Variants in CCSER1 observed in about 807,000 individuals in gnomAD.
The protein encoded by CCSER1 is serine-rich coiled-coil domain-containing protein 1.
CCSER1 carries 41 observed loss-of-function variants against 82.0 expected under a neutral mutation model. The observed-to-expected ratio is 0.50, with a 90% CI of 0.39 to 0.65. The LOEUF is 0.65. CCSER1 is among the 30% of genes least tolerant of loss of function. The probability of loss-of-function intolerance (pLI) is 0.00; values close to 1 mark genes in which losing one functional copy is unlikely to be tolerated. For missense variants in CCSER1, 1,119 were observed against 1,064.2 expected (o/e 1.05, Z -0.72); for synonymous variants, 414 against 383.9 (o/e 1.08, Z -0.92).
At chr4:90,150,756 T>C (rs1317199511) in intron 1 of CCSER1, among the ~76,000 whole-genome samples, 2 of 152,096 alleles carry the variant, frequency 1.3e-5, no homozygotes, top group East Asian at 3.8e-4. Flanking sequence ...TAAATATCCA[T>C]ATAGAAAACA....
At chr4:90,354,651 A>G (rs1174246314) in intron 3 of CCSER1, among the ~76,000 whole-genome samples, 1 of 152,174 alleles carries the variant, frequency 6.6e-6, no homozygotes, top group African/African-American at 2.4e-5. Flanking sequence ...AAATAAAAAG[A>G]AAAATAACTA....
chr4:90,803,660 T>C (rs1006945458), intron 7 of CCSER1, among the ~76,000 whole-genome samples: 10 of 152,272 alleles, frequency 6.6e-5, no homozygotes, highest in African/African-American at 2.2e-4. Context: ...TGAATAGTGC[T>C]GCAATAAACA....
chr4:90,132,323 A>G (rs1262580566), intron 1 of CCSER1, among the ~76,000 whole-genome samples: 1 of 152,164 alleles, frequency 6.6e-6, no homozygotes, highest in African/African-American at 2.4e-5. Context: ...TCCCTATTGG[A>G]CAGTGACAAA....
At chr4:91,203,832 G>T (rs1460055503) in intron 10 of CCSER1, among the ~76,000 whole-genome samples, 1 of 151,766 alleles carries the variant, frequency 6.6e-6, no homozygotes, top group East Asian at 1.9e-4. Flanking sequence ...TGACCATACT[G>T]ATTACTGTCT....
intron 10 of CCSER1, among the ~76,000 whole-genome samples, chr4:91,117,567 A>G (rs1265133263): frequency 1.3e-5 from 2 of 152,218 alleles, no homozygotes; most frequent in Non-Finnish European, 2.9e-5. Context: ...AGAAACCAAA[A>G]CCATCTTTTA....
intron 1 of CCSER1, among the ~76,000 whole-genome samples, chr4:90,203,272 T>G (rs1400247193): frequency 6.6e-6 from 1 of 152,188 alleles, no homozygotes; most frequent in Non-Finnish European, 1.5e-5. Flanking sequence ...TAAGTATACA[T>G]GTGCCATGGT....
At chr4:91,347,373 T>C (rs2149294738) in intron 10 of CCSER1, among the ~76,000 whole-genome samples, 1 of 152,266 alleles carries the variant, frequency 6.6e-6, no homozygotes, top group South Asian at 2.1e-4. Context: ...AAATTTATAG[T>C]GTATCTTGAA....
chr4:90,352,506 A>G (rs1306347287), intron 3 of CCSER1, among the ~76,000 whole-genome samples: 1 of 151,608 alleles, frequency 6.6e-6, no homozygotes, highest in Non-Finnish European at 1.5e-5. Flanking sequence ...CTACTAAAAT[A>G]CAAAAATTAG....
chr4:90,836,770 C>T (rs59791757), intron 8 of CCSER1, among the ~76,000 whole-genome samples: 1 of 152,274 alleles, frequency 6.6e-6, no homozygotes, highest in East Asian at 1.9e-4. Context: ...CTCTGGTGGA[C>T]TTCATCAAGT....
intron 10 of CCSER1, among the ~76,000 whole-genome samples, chr4:91,316,816 T>C (rs944566320): frequency 3.3e-5 from 5 of 151,894 alleles, no homozygotes; most frequent in African/African-American, 7.2e-5. Context: ...TCCTTCAGTG[T>C]AAAATATTTT....
intron 7 of CCSER1, among the ~76,000 whole-genome samples, chr4:90,801,580 C>G (rs1249128394): frequency 6.6e-6 from 1 of 152,142 alleles, no homozygotes; most frequent in Non-Finnish European, 1.5e-5. Flanking sequence ...AGAGACAATG[C>G]TATTTCCTTA....
intron 5 of CCSER1, among the ~76,000 whole-genome samples, chr4:90,557,231 T>C (rs1218087228): frequency 6.6e-6 from 1 of 152,024 alleles, no homozygotes; most frequent in Non-Finnish European, 1.5e-5. Context: ...ATACCTGTAT[T>C]CCATTTGGAA....
chr4:90,530,727 A>G (rs1774397185), intron 5 of CCSER1, among the ~76,000 whole-genome samples: 1 of 152,178 alleles, frequency 6.6e-6, no homozygotes, highest in African/African-American at 2.4e-5. Context: ...GGACAGATAC[A>G]GTGCTATGTT....
intron 10 of CCSER1, among the ~76,000 whole-genome samples, chr4:91,178,123 G>T (rs181419226): frequency 6.7e-4 from 102 of 152,286 alleles, no homozygotes; most frequent in African/African-American, 2.3e-3. Context: ...GAGCGGTTTT[G>T]AGTGAGTTTC....
chr4:91,468,557 G>T (rs1029899877), intron 10 of CCSER1, among the ~76,000 whole-genome samples: 2 of 151,196 alleles, frequency 1.3e-5, no homozygotes, highest in African/African-American at 4.9e-5. Flanking sequence ...CATAGGAATA[G>T]TTTTTTTTGA....
intron 10 of CCSER1, among the ~76,000 whole-genome samples, chr4:91,426,707 T>A (rs1269898038): frequency 6.6e-6 from 1 of 152,230 alleles, no homozygotes; most frequent in Non-Finnish European, 1.5e-5. Flanking sequence ...TGTTGACTTT[T>A]AATTTCTGAT....
At chr4:90,475,084 A>C (rs947639171) in intron 5 of CCSER1, among the ~76,000 whole-genome samples, 16 of 152,156 alleles carry the variant, frequency 1.1e-4, no homozygotes, top group African/African-American at 3.4e-4. Context: ...ACTTTGCATA[A>C]AATTCCTGTC....
chr4:90,949,250 A>G (rs965471548), intron 9 of CCSER1, among the ~76,000 whole-genome samples: 8 of 152,170 alleles, frequency 5.3e-5, no homozygotes, highest in East Asian at 1.9e-4. Context: ...AATCTGCTGC[A>G]TAGCAACCCA....
intron 10 of CCSER1, among the ~76,000 whole-genome samples, chr4:91,300,289 G>T (rs1016543034): frequency 6.6e-6 from 1 of 151,846 alleles, no homozygotes; most frequent in African/African-American, 2.4e-5. Flanking sequence ...TATAAAAATG[G>T]TTTATTAAAA....
Sources: allele counts gnomAD v4.1 joint callset (sites outside exome capture counted in the v4.1 genomes callset), GRCh38; gene constraint gnomAD v4.1.1; transcripts MANE v1.5; gene names NCBI Gene and HGNC (gene_info 2026-07-23, HGNC 2026-07-21).